The following TRMT9B variants were observed in gnomAD, a reference collection of about 807,000 sequenced individuals.
TRMT9B encodes probable tRNA methyltransferase 9B.
TRMT9B carries 16 observed loss-of-function variants against 11.5 expected under a neutral mutation model. The observed-to-expected ratio is 1.39, with a 90% CI of 0.94 to 2.11. The LOEUF is 2.11. TRMT9B is among the 30% of genes most tolerant of loss of function. TRMT9B has a pLI of 0.00. For synonymous variants in TRMT9B, 274 were observed against 192.4 expected, an observed-to-expected ratio of 1.42 and a Z score of -3.51; for missense variants, 941 against 553.8, an observed-to-expected ratio of 1.70 and a Z score of -7.02.
intron 2 of TRMT9B, among the ~76,000 whole-genome samples, chr8:12,998,245 C>T (rs1020517816): frequency 1.3e-5 from 2 of 152,062 alleles, no homozygotes; most frequent in African/African-American, 4.8e-5. Context: ...TTTATTTTTC[C>T]TCTTATGGTT....
At chr8:12,988,092 G>A (rs1054934607) in intron 1 of TRMT9B, among the ~76,000 whole-genome samples, 4 of 152,130 alleles carry the variant, frequency 2.6e-5, no homozygotes, top group African/African-American at 9.7e-5. Flanking sequence ...TATTGGCTTT[G>A]TGTCTTTCTT....
intron 4 of TRMT9B, among the ~76,000 whole-genome samples, chr8:13,017,966 T>C (rs1813054925): frequency 6.6e-6 from 1 of 151,924 alleles, no homozygotes; most frequent in Non-Finnish European, 1.5e-5. Flanking sequence ...AGGCTGTTAC[T>C]TATTACACTT....
chr8:12,952,381 C>T, intron 1 of TRMT9B: 1 of 303,790 alleles, frequency 3.3e-6, no homozygotes, highest in Non-Finnish European at 6.7e-6. Context: ...TCGTCCCCTG[C>T]CTTTCCAGTA....
At chr8:12,982,167 T>C (rs1372648017) in intron 1 of TRMT9B, among the ~76,000 whole-genome samples, 1 of 152,206 alleles carries the variant, frequency 6.6e-6, no homozygotes, top group East Asian at 1.9e-4. Context: ...GTTGTCCCTT[T>C]GAGATTTTTC....
chr8:13,017,850 C>T (rs905742663), intron 4 of TRMT9B, among the ~76,000 whole-genome samples: 1 of 151,550 alleles, frequency 6.6e-6, no homozygotes, highest in Non-Finnish European at 1.5e-5. Context: ...TCTTGAACCC[C>T]TGAGCTCAAG....
intron 1 of TRMT9B, among the ~76,000 whole-genome samples, chr8:12,986,449 T>C (rs1159943031): frequency 6.6e-6 from 1 of 152,220 alleles, no homozygotes; most frequent in Non-Finnish European, 1.5e-5. Flanking sequence ...TTATGGAACA[T>C]ATGTTCACAC....
At chr8:12,965,779 G>A (rs1229542855) in intron 1 of TRMT9B, among the ~76,000 whole-genome samples, 1 of 152,134 alleles carries the variant, frequency 6.6e-6, no homozygotes, top group African/African-American at 2.4e-5. Flanking sequence ...TGGGGAGACT[G>A]AGGCAGGCAG....
At chr8:12,955,363 T>G (rs1801158172) in intron 1 of TRMT9B, among the ~76,000 whole-genome samples, 1 of 152,156 alleles carries the variant, frequency 6.6e-6, no homozygotes, top group Non-Finnish European at 1.5e-5. Flanking sequence ...TTGAGGAGTT[T>G]GGTGTATGGT....
In TRMT9B at chr8:13,008,925, T is replaced by C. The variant is rs192191152; in HGVS notation, c.154+2569T>C. ...TTGTATTTTTAGTAGAGACGGAGTT[T>C]CACCGTGTTAGCCAGGATGGTGTCG... On this transcript the variant is annotated intron_variant, in intron 3 of 4. Transcript: ENST00000524591. Among the ~76,000 whole-genome samples, 7 of 152,260 alleles carry C rather than the reference T, an allele frequency of 4.6e-5. No individual in the cohort carries two copies. In the East Asian group the frequency reaches 1.2e-3, roughly 25 times the overall value.
At chr8:13,008,207 A>G (rs1335265683) in intron 3 of TRMT9B, among the ~76,000 whole-genome samples, 1 of 152,162 alleles carries the variant, frequency 6.6e-6, no homozygotes, top group Non-Finnish European at 1.5e-5. Flanking sequence ...GCACACTATA[A>G]CTCTTTCGTG....
In TRMT9B at chr8:13,024,901, T is replaced by TGG. The variant is rs1356749352; in HGVS notation, c.*2858_*2859dup. 6.0e-6 allele frequency: 1 copy of TGG among 167,022 alleles called. No individual in the cohort carries two copies. The highest frequency in any genetic ancestry group is 1.5e-5 in the Non-Finnish European group (1 of 68,124). 10.3% of individuals were successfully genotyped at this position (167,022 alleles called of 1,614,324 possible). A position where few individuals can be genotyped will look rare whatever the true frequency, so the allele number is the denominator to read the frequency against. ...CTCTTTTAAATTTAACTTCCGCCTT[T>TGG]GGATTTTTTTTAAAAAGCCATTGAA... On this transcript the variant is annotated 3_prime_UTR_variant, in exon 5 of 5. Transcript: ENST00000524591.
intron 2 of TRMT9B, among the ~76,000 whole-genome samples, chr8:12,995,666 T>G (rs1357072274): frequency 1.3e-5 from 2 of 152,200 alleles, no homozygotes; most frequent in Non-Finnish European, 2.9e-5. Flanking sequence ...TTCTTTGTGT[T>G]GTTTTTGTTT....
chr8:12,977,856 A>G (rs200730050), intron 1 of TRMT9B, among the ~76,000 whole-genome samples: 32 of 151,532 alleles, frequency 2.1e-4, no homozygotes, highest in Admixed American at 1.1e-3. Context: ...CTCTACAAAA[A>G]AAAAAGAAAA....
Position 13,021,481 on chromosome 8 carries a change from G to A in TRMT9B, c.802G>A (p.Val268Ile). ...ESTLRKQIER[V>I]RPLKNTEVWA... ...GACTCTGAGGAAGCAAATTGAAAGA[G>A]TAAGACCCTTGAAAAACACAGAAGT... is the stretch of plus-strand genomic sequence containing the variant. Residue 268 changes from valine (V) to isoleucine (I), a missense_variant, in exon 5 of 5, where the codon GTA becomes ATA. Physicochemically the swap from Val to Ile is conservative, Grantham distance 29. Transcript: ENST00000524591. 1 of 1,613,894 alleles carries A rather than the reference G, an allele frequency of 6.2e-7. No individual in the cohort carries two copies. The highest frequency in any genetic ancestry group is 8.5e-7 in the Non-Finnish European group (1 of 1,179,820).
rs61536433 is a variant in TRMT9B, at chr8:12,959,516, C to CTTTTTTTTTTTT, written c.-200+13562_-200+13573dup. Among the ~76,000 whole-genome samples the CTTTTTTTTTTTT allele has an allele frequency of 1.4e-3, 107 of 74,930 alleles. 8 individuals carry two copies. The highest frequency in any genetic ancestry group is 3.1e-3 in the Admixed American group (13 of 4,172). 49.2% of individuals were successfully genotyped at this position (74,930 alleles called of 152,430 possible). A position where few individuals can be genotyped will look rare whatever the true frequency, so the allele number is the denominator to read the frequency against. On this transcript the variant is annotated intron_variant, in intron 1 of 4. Coordinates refer to ENST00000524591, the MANE Select transcript of TRMT9B (RefSeq NM_020844.3). ...TCTCCTCTCCTTTCCTTTTTCCTTCCTTTTTTTTTTTTTTTTTTTTTTTGA... is the reference window on the plus strand; with the variant it reads ...TCTCCTCTCCTTTCCTTTTTCCTTCCTTTTTTTTTTTTTTTTTTTTTTTTTTTTTTTTTTTGA...
At chr8:12,953,557 T>G (rs1800920290) in intron 1 of TRMT9B, among the ~76,000 whole-genome samples, 1 of 152,202 alleles carries the variant, frequency 6.6e-6, no homozygotes, top group African/African-American at 2.4e-5. Context: ...TTCACCTTGT[T>G]GGCCAGGCTG....
chr8:12,952,513 G>C (rs1226070109), intron 1 of TRMT9B, among the ~76,000 whole-genome samples: 1 of 152,240 alleles, frequency 6.6e-6, no homozygotes, highest in Non-Finnish European at 1.5e-5. Context: ...TCAGAATTCA[G>C]AGATAAAGGA....
At chr8:12,981,294 A>C (rs1267004231) in intron 1 of TRMT9B, among the ~76,000 whole-genome samples, 3 of 152,234 alleles carry the variant, frequency 2.0e-5, no homozygotes. Context: ...TGTCACAGAG[A>C]AGTCATTGGC....
chr8:12,979,591 C>A (rs1330239026), intron 1 of TRMT9B, among the ~76,000 whole-genome samples: 1 of 152,166 alleles, frequency 6.6e-6, no homozygotes, highest in African/African-American at 2.4e-5. Flanking sequence ...CCAGTGAGAA[C>A]GATGTTAACT....
Sources: gnomAD v4.1 joint callset for allele counts (sites outside exome capture counted in the v4.1 genomes callset) on GRCh38, gnomAD v4.1.1 for gene constraint, MANE v1.5 for transcripts, NCBI Gene and HGNC (gene_info 2026-07-23, HGNC 2026-07-21) for gene names.